The following PHRF1 variants were observed in gnomAD, a reference collection of about 807,000 sequenced individuals.
PHRF1 encodes PHD and ring finger domains 1.
In PHRF1, 53 loss-of-function variants were observed where a neutral mutation model predicts 128.9. That is an observed-to-expected ratio of 0.41 (90% CI 0.33 to 0.52). The LOEUF (loss-of-function observed/expected upper bound fraction) is 0.52, where lower values mean the gene tolerates loss of function less well. Among genes scored for constraint, PHRF1 ranks in the 20% least tolerant of loss-of-function variants. The pLI is 0.21. For missense variants in PHRF1, 2,503 were observed against 2,284.5 expected (o/e 1.10, Z -1.95); for synonymous variants, 1,178 against 980.6 (o/e 1.20, Z -3.76).
Position 585,569 on chromosome 11 carries a change from AGGTAGTAGCCCTTTCCAGCT to A in PHRF1, c.215-1689_215-1670del, listed in dbSNP as rs1564841143. On this transcript the variant is annotated intron_variant, in intron 3 of 17. Coordinates refer to ENST00000264555, the MANE Select transcript of PHRF1 (RefSeq NM_001286581.2). ...TGAGGTAGTAGCCCTTTCCAGCTTG[AGGTAGTAGCCCTTTCCAGCT>A]TGAGGTAGTAGCCCTTTCCAGCTTG... 2.0e-3 allele frequency among the ~76,000 whole-genome samples: 233 copies of A among 115,330 alleles called. 1 individual carries two copies. The highest frequency in any genetic ancestry group is 3.3e-3 in the East Asian group (14 of 4,222). 75.7% of individuals were successfully genotyped at this position (115,330 alleles called of 152,430 possible).
intron 1 of PHRF1, among the ~76,000 whole-genome samples, chr11:578,351 G>A (rs1411996766): frequency 6.6e-6 from 1 of 152,222 alleles, no homozygotes; most frequent in Non-Finnish European, 1.5e-5. Context: ...CTGTGGTGGA[G>A]GAGTGTAAGA....
At chr11:596,781 G>A (rs988916277) in intron 6 of PHRF1, 142 bp from the exon 7 acceptor site, 1 of 648,264 alleles carries the variant, frequency 1.5e-6, no homozygotes, top group East Asian at 2.7e-5. Context: ...TATGAATTTT[G>A]GAGGGATGTG....
rs1174681111 is a variant in PHRF1, at chr11:597,455, C to T, written c.779C>T (p.Thr260Ile). ...SLLLADVVPTTSRLRPRAGRT... is the reference protein window; with the variant it reads ...SLLLADVVPTISRLRPRAGRT... Reference sequence around the variant, plus strand: ...CTCTTGGCTGATGTGGTGCCCACCACCAGCAGGCTTCGGCCTCGAGCAGGT... The same window carrying T: ...CTCTTGGCTGATGTGGTGCCCACCATCAGCAGGCTTCGGCCTCGAGCAGGT... Residue 260 changes from threonine (T) to isoleucine (I), a missense_variant, in exon 8 of 18, where the codon ACC becomes ATC. Transcript: ENST00000264555. This position sits in a 1 kb window ranked among gnomAD's most constrained non-coding sequence, Gnocchi z 6.5. 1 of 1,612,912 alleles carries T rather than the reference C, an allele frequency of 6.2e-7. No homozygotes were observed. Among genetic ancestry groups the T allele is most frequent in the African/African-American group, 1.3e-5 (1 of 75,018 alleles).
At chr11:578,125 A>G (rs1256198502) in intron 1 of PHRF1, among the ~76,000 whole-genome samples, 1 of 152,204 alleles carries the variant, frequency 6.6e-6, no homozygotes, top group African/African-American at 2.4e-5. Flanking sequence ...TGGTGCAACC[A>G]GGAGGTCCTA....
intron 9 of PHRF1, among the ~76,000 whole-genome samples, chr11:600,566 C>G (rs778427467): frequency 4.7e-5 from 7 of 149,466 alleles, no homozygotes; most frequent in South Asian, 2.1e-4. Flanking sequence ...CACAGTGGCT[C>G]GCACCTGTAA....
chr11:593,914 G>A (rs763708085), intron 6 of PHRF1, among the ~76,000 whole-genome samples: 1 of 152,110 alleles, frequency 6.6e-6, no homozygotes. Flanking sequence ...CTGCCCTGAC[G>A]GTCCTCACCT....
chr11:606,146 C>T (rs1367447242), intron 12 of PHRF1, among the ~76,000 whole-genome samples: 5 of 152,268 alleles, frequency 3.3e-5, no homozygotes, highest in Non-Finnish European at 7.3e-5. Flanking sequence ...GCTTGTCTGC[C>T]CCCTCCCACC....
At chr11:603,609 AC>A (rs1855765103) in intron 10 of PHRF1, among the ~76,000 whole-genome samples, 1 of 151,858 alleles carries the variant, frequency 6.6e-6, no homozygotes, top group African/African-American at 2.4e-5. Flanking sequence ...TGCTGGGATT[AC>A]AGGTGTGAGC....
At chr11:592,214 C>CTTTTT (rs752462346) in intron 5 of PHRF1, among the ~76,000 whole-genome samples, 1 of 138,652 alleles carries the variant, frequency 7.2e-6, no homozygotes. Context: ...CGTGCCCAGC[C>CTTTTT]TTTTTTTTTT....
In PHRF1 at chr11:608,359, C is replaced by T. The variant is rs201232704; in HGVS notation, c.2903C>T (p.Pro968Leu). ...GTGACCTGTGTGACTGTCGTGGAGC[C>T]GGAAGCCCCACCCAGCCCGGACGTG... is the stretch of plus-strand genomic sequence containing the variant. The part of the protein sequence containing the change: ...RTVTCVTVVE[P>L]EAPPSPDVLQ... Residue 968 changes from proline to leucine, a missense_variant, in exon 14 of 18, where the codon CCG (proline) becomes CTG (leucine). Coordinates refer to ENST00000264555, the MANE Select transcript of PHRF1 (RefSeq NM_001286581.2). The T allele has an allele frequency of 1.7e-4, 281 of 1,610,436 alleles. No homozygotes were observed. Among genetic ancestry groups the T allele is most frequent in the Non-Finnish European group, 2.3e-4 (270 of 1,179,086 alleles).
rs1855142708 is a variant in PHRF1 at position 594,080 on chromosome 11, T to TA, written c.620+1407dup. ...GCTTATTGGCTGTTGATTACTGACTTACACCGTGAATATATGCAGAATGCT... is the reference window on the plus strand; with the variant it reads ...GCTTATTGGCTGTTGATTACTGACTTAACACCGTGAATATATGCAGAATGCT... On this transcript the variant is annotated intron_variant, in intron 6 of 17. Coordinates refer to ENST00000264555, the MANE Select transcript of PHRF1 (RefSeq NM_001286581.2). Among the ~76,000 whole-genome samples, 9 of 152,276 alleles carry TA rather than the reference T, an allele frequency of 5.9e-5. No homozygotes were observed. The South Asian group carries it at 1.9e-3, about 32-fold the overall frequency.
intron 4 of PHRF1, among the ~76,000 whole-genome samples, chr11:588,021 C>T (rs990166763): frequency 6.6e-6 from 1 of 152,296 alleles, no homozygotes; most frequent in South Asian, 2.1e-4. Context: ...AAAAGGAGAG[C>T]TTGCAGTCTG....
chr11:604,038 C>G (rs1373809705), intron 10 of PHRF1, among the ~76,000 whole-genome samples: 1 of 152,172 alleles, frequency 6.6e-6, no homozygotes, highest in African/African-American at 2.4e-5. Context: ...ATTCGAACAT[C>G]CGATCTGTTT....
At chr11:593,591 C>T (rs1199263791) in intron 6 of PHRF1, among the ~76,000 whole-genome samples, 1 of 152,384 alleles carries the variant, frequency 6.6e-6, no homozygotes, top group Admixed American at 6.5e-5. Flanking sequence ...GCTCCACTCA[C>T]GCTGTTGTTG....
chr11:583,951 A>C (rs1163277279), intron 3 of PHRF1, among the ~76,000 whole-genome samples: 2 of 152,222 alleles, frequency 1.3e-5, no homozygotes, highest in Non-Finnish European at 2.9e-5. Context: ...CTTGGGCTGG[A>C]AAATCCATGG....
At chr11:586,965 G>A (rs1285580617) in intron 3 of PHRF1, among the ~76,000 whole-genome samples, 1 of 152,164 alleles carries the variant, frequency 6.6e-6, no homozygotes, top group African/African-American at 2.4e-5. Flanking sequence ...CCTGCCTCTC[G>A]AGGTCTGCCT....
At chr11:594,732 G>A (rs1262218225) in intron 6 of PHRF1, among the ~76,000 whole-genome samples, 6 of 152,198 alleles carry the variant, frequency 3.9e-5, no homozygotes. Flanking sequence ...AAAGTGCTGA[G>A]ATTAAAGGCG....
At chr11:587,225 C>A in intron 3 of PHRF1, 34 bp from the exon 4 acceptor site, 1 of 1,605,120 alleles carries the variant, frequency 6.2e-7, no homozygotes, top group South Asian at 1.1e-5. Flanking sequence ...CGCTGCCCAT[C>A]CTGCTTGCAC....
chr11:606,329 G>A, intron 12 of PHRF1, 113 bp from the exon 13 acceptor site: 1 of 1,353,152 alleles, frequency 7.4e-7, no homozygotes, highest in Non-Finnish European at 9.7e-7. Context: ...GGAGGCGCAG[G>A]CCCGGCCCAG....
Sources: gnomAD v4.1 joint callset for allele counts (sites outside exome capture counted in the v4.1 genomes callset) on GRCh38, gnomAD v4.1.1 for gene constraint, Gnocchi (gnomAD v3.1) non-coding constraint, MANE v1.5 for transcripts, NCBI Gene and HGNC (gene_info 2026-07-23, HGNC 2026-07-21) for gene names.